CXXC4: variants seen among roughly 807,000 people sequenced by gnomAD.
CXXC4 encodes CXXC finger protein 4.
In CXXC4, 5 loss-of-function variants were observed where a neutral mutation model predicts 20.5. The ratio of observed to expected loss-of-function variants is 0.24; its 90% confidence interval spans 0.13 to 0.51. The LOEUF (loss-of-function observed/expected upper bound fraction) is 0.51, where lower values mean the gene tolerates loss of function less well. Among genes scored for constraint, CXXC4 ranks in the 20% least tolerant of loss-of-function variants. The probability of loss-of-function intolerance (pLI) is 0.97; values close to 1 mark genes in which losing one functional copy is unlikely to be tolerated. For missense variants in CXXC4, 419 were observed against 496.4 expected (o/e 0.84, Z 1.48); for synonymous variants, 250 against 216.4 (o/e 1.16, Z -1.36).
At chr4:104,492,609 A>T (rs189087415) in intron 1 of CXXC4, among the ~76,000 whole-genome samples, 101 of 152,308 alleles carry the variant, frequency 6.6e-4, no homozygotes, top group Middle Eastern at 3.4e-3. Context: ...TACAACTGAG[A>T]GCTAAGAGAC....
chr4:104,470,329 T>C lies in CXXC4; in HGVS notation c.*1993A>G, dbSNP rs1362673151. 1 of 152,050 alleles carries C rather than the reference T, an allele frequency of 6.6e-6. No homozygotes were observed. Among genetic ancestry groups the C allele is most frequent in the Non-Finnish European group, 1.5e-5 (1 of 67,984 alleles). 9.4% of individuals were successfully genotyped at this position (152,050 alleles called of 1,614,324 possible). On this transcript the variant is annotated 3_prime_UTR_variant, in exon 3 of 3. Coordinates refer to ENST00000394767, the MANE Select transcript of CXXC4 (RefSeq NM_025212.4). The stretch of plus-strand genomic sequence containing the variant: ...AGCTTGTAATCATTTAATTCTCATC[T>C]CTAAATATGGATGGGTGTAACACAT...
intron 1 of CXXC4, among the ~76,000 whole-genome samples, chr4:104,493,750 A>G (rs1340268603): frequency 6.6e-6 from 1 of 152,222 alleles, no homozygotes; most frequent in African/African-American, 2.4e-5. Flanking sequence ...TTGGCTAAAT[A>G]TTCTTGATGC....
chr4:104,491,582 C>G lies in CXXC4; in HGVS notation c.221G>C (p.Ser74Thr). ...ARITTPIFPS[S>T]AAAAAAAARI... ...CGCGGCGGCCGCGGCGGCGGCGGCG[C>G]TGCTGGGGAAGATGGGGGTGGTGAT... The change falls in exon 2 of 3, where the codon AGC (serine) becomes ACC (threonine). Residue 74 changes from serine to threonine, a missense_variant. Ser to Thr is a moderately conservative substitution (Grantham distance 58). Around this residue, in one of 3 missense-constraint regions of CXXC4, gnomAD observed 388 missense variants for 416.0 expected, o/e 0.93. Transcript: ENST00000394767. The G allele has an allele frequency of 6.5e-7, 1 of 1,527,130 alleles. No individual in the cohort carries two copies. The highest frequency in any genetic ancestry group is 8.8e-7 in the Non-Finnish European group (1 of 1,136,780). The allele number at this position is 1,527,130 out of a possible 1,614,324, so 94.6% of individuals were successfully genotyped here. A position where few individuals can be genotyped will look rare whatever the true frequency, so the allele number is the denominator to read the frequency against.
intron 1 of CXXC4, among the ~76,000 whole-genome samples, chr4:104,492,328 G>C (rs933821714): frequency 6.6e-6 from 1 of 150,616 alleles, no homozygotes; most frequent in African/African-American, 2.4e-5. Flanking sequence ...AGGATACCCA[G>C]GGAAAGAAGG....
chr4:104,490,733 T>C lies in CXXC4; in HGVS notation c.1059+11A>G. ...GGGGAGACTGGGAAACAAGAAATCA[T>C]CTCCTCTGACCTCTAGTGAAGTGCC... On this transcript the variant is annotated intron_variant, in intron 2 of 2. Coordinates refer to ENST00000394767, the MANE Select transcript of CXXC4 (RefSeq NM_025212.4). 1 of 1,593,834 alleles carries C rather than the reference T, an allele frequency of 6.3e-7. No individual in the cohort carries two copies. The highest frequency in any genetic ancestry group is 8.6e-7 in the Non-Finnish European group (1 of 1,168,662).
At chr4:104,480,997 T>C (rs1223537365) in intron 2 of CXXC4, among the ~76,000 whole-genome samples, 2 of 152,042 alleles carry the variant, frequency 1.3e-5, no homozygotes, top group African/African-American at 4.8e-5. Context: ...TTTCCAGCAG[T>C]CTGTAAAATA....
intron 2 of CXXC4, among the ~76,000 whole-genome samples, chr4:104,480,864 C>CCCTT (rs201051323): frequency 3.4e-5 from 5 of 147,002 alleles, no homozygotes; most frequent in African/African-American, 7.6e-5. Flanking sequence ...CTCCCTCCCT[C>CCCTT]CCTTCCTTCC....
In CXXC4 at chr4:104,490,904, G is replaced by C. The variant is rs761436810; in HGVS notation, c.899C>G (p.Pro300Arg). The C allele has an allele frequency of 6.2e-7, 1 of 1,614,150 alleles. No homozygotes were observed. The highest frequency in any genetic ancestry group is 1.1e-5 in the South Asian group (1 of 91,088). The change falls in exon 2 of 3, where the codon CCA becomes CGA. Residue 300 changes from proline to arginine, a missense_variant. Pro to Arg is a moderately radical substitution (Grantham distance 103, BLOSUM62 -2). Coordinates refer to ENST00000394767, the MANE Select transcript of CXXC4 (RefSeq NM_025212.4). ...SSSGGAGGAN[P>R]AKKKRKRCGV... ...ACACCTTTTCCTCTTCTTCTTGGCT[G>C]GGTTGGCTCCGCCAGCTCCCCCTGA...
chr4:104,480,769 C>T (rs1406771163), intron 2 of CXXC4, among the ~76,000 whole-genome samples: 1 of 151,898 alleles, frequency 6.6e-6, no homozygotes, highest in Non-Finnish European at 1.5e-5. Flanking sequence ...TGCCAATACG[C>T]CCCTTTCTGA....
intron 1 of CXXC4, among the ~76,000 whole-genome samples, chr4:104,492,779 A>G (rs1434307832): frequency 6.6e-6 from 1 of 151,540 alleles, no homozygotes; most frequent in Non-Finnish European, 1.5e-5. Context: ...TGTACAAGCC[A>G]TTTGGTGGTG....
At chr4:104,492,262 A>G (rs1243876109) in intron 1 of CXXC4, among the ~76,000 whole-genome samples, 4 of 101,080 alleles carry the variant, frequency 4.0e-5, no homozygotes, top group Admixed American at 1.1e-4. Flanking sequence ...CCCACAGCAA[A>G]CCACAGCTCC....
At chr4:104,478,426 G>T (rs1736472184) in intron 2 of CXXC4, among the ~76,000 whole-genome samples, 1 of 151,926 alleles carries the variant, frequency 6.6e-6, no homozygotes, top group African/African-American at 2.4e-5. Context: ...GGAGTGGGTT[G>T]GTGGGAGGTA....
At chr4:104,477,762 C>T (rs1044932164) in intron 2 of CXXC4, among the ~76,000 whole-genome samples, 1 of 151,746 alleles carries the variant, frequency 6.6e-6, no homozygotes, top group African/African-American at 2.4e-5. Flanking sequence ...TAAGTATATA[C>T]TTGTTTCCAT....
At chr4:104,480,612 G>A (rs1441517978) in intron 2 of CXXC4, among the ~76,000 whole-genome samples, 2 of 133,298 alleles carry the variant, frequency 1.5e-5, no homozygotes, top group South Asian at 2.1e-4. Flanking sequence ...TTTCCACCAT[G>A]GTAAATGGAA....
At chr4:104,483,083 T>C (rs1736595693) in intron 2 of CXXC4, among the ~76,000 whole-genome samples, 1 of 152,076 alleles carries the variant, frequency 6.6e-6, no homozygotes. Flanking sequence ...GGAATTATTC[T>C]ACCAAATGTT....
At chr4:104,490,025 A>G (rs28480557) in intron 2 of CXXC4, among the ~76,000 whole-genome samples, 21,980 of 152,176 alleles carry the variant, frequency 0.14, 3,303 homozygotes, top group African/African-American at 0.38. Context: ...ATAATTTTTA[A>G]ACAAAATCAC....
At chr4:104,485,776 C>T (rs544593799) in intron 2 of CXXC4, among the ~76,000 whole-genome samples, 2 of 152,122 alleles carry the variant, frequency 1.3e-5, no homozygotes, top group South Asian at 2.1e-4. Flanking sequence ...TTTTTGCATG[C>T]CTTTCAATTT....
chr4:104,480,881 CCA>C, intron 2 of CXXC4, among the ~76,000 whole-genome samples: 2 of 134,790 alleles, frequency 1.5e-5, no homozygotes, highest in African/African-American at 5.4e-5. Context: ...TTCCTTCCTT[CCA>C]TCCTTTCTTC....
intron 2 of CXXC4, among the ~76,000 whole-genome samples, chr4:104,484,716 C>A (rs1736639911): frequency 6.6e-6 from 1 of 151,942 alleles, no homozygotes; most frequent in African/African-American, 2.4e-5. Context: ...AGTTAACAAG[C>A]CTGCTGGGAT....
Sources: gnomAD v4.1 joint callset for allele counts (sites outside exome capture counted in the v4.1 genomes callset) on GRCh38, gnomAD v4.1.1 for gene constraint, gnomAD v4.1.1 regional missense constraint, MANE v1.5 for transcripts, NCBI Gene and HGNC (gene_info 2026-07-23, HGNC 2026-07-21) for gene names.